Variants in TMTC2 observed in about 807,000 individuals in gnomAD.
TMTC2 encodes the protein protein O-mannosyl-transferase TMTC2.
Under a neutral mutation model 82.4 loss-of-function variants are expected in TMTC2, and 43 were observed. That is an observed-to-expected ratio of 0.52 (90% CI 0.41 to 0.67). The LOEUF (loss-of-function observed/expected upper bound fraction) is 0.67, where lower values mean the gene tolerates loss of function less well. Ranked by LOEUF, TMTC2 falls within the 30% of genes least tolerant of loss-of-function variation. The pLI is 0.00. For missense variants in TMTC2, 919 were observed against 1,012.4 expected, an observed-to-expected ratio of 0.91 and a Z score of 1.25; for synonymous variants, 408 against 381.9, an observed-to-expected ratio of 1.07 and a Z score of -0.80.
chr12:82,690,471 C>T, intron 1 of TMTC2: 1 of 884,064 alleles, frequency 1.1e-6, no homozygotes, highest in Non-Finnish European at 1.4e-6. Context: ...TGATCGTTTA[C>T]TTTATAAACT....
At chr12:82,882,519 C>T (rs1319453231) in intron 2 of TMTC2, among the ~76,000 whole-genome samples, 1 of 151,730 alleles carries the variant, frequency 6.6e-6, no homozygotes, top group Non-Finnish European at 1.5e-5. Context: ...TGTTTTCTTT[C>T]ATGTGGGGGT....
chr12:82,751,679 C>T (rs1297994688), intron 1 of TMTC2, among the ~76,000 whole-genome samples: 1 of 151,890 alleles, frequency 6.6e-6, no homozygotes, highest in Non-Finnish European at 1.5e-5. Context: ...GGTAATGTTG[C>T]TGGTTCATGG....
intron 3 of TMTC2, among the ~76,000 whole-genome samples, chr12:82,928,155 G>GT (rs144630871): frequency 4.7e-4 from 70 of 148,924 alleles, no homozygotes; most frequent in Non-Finnish European, 6.6e-4. Context: ...TTTGCTATTA[G>GT]TTTTTTTTTT....
intron 8 of TMTC2, among the ~76,000 whole-genome samples, chr12:83,013,142 C>A (rs779348950): frequency 2.0e-5 from 3 of 151,982 alleles, no homozygotes; most frequent in Non-Finnish European, 4.4e-5. Context: ...CTAATTATTA[C>A]AAATATTAAA....
chr12:82,941,012 G>A (rs991099472), intron 4 of TMTC2, among the ~76,000 whole-genome samples: 5 of 151,826 alleles, frequency 3.3e-5, no homozygotes, highest in Non-Finnish European at 4.4e-5. Flanking sequence ...ACCATATAAA[G>A]GAACAAGGTA....
rs1358095247 is a variant in TMTC2 at position 83,028,474 on chromosome 12, T to TA, written c.2071-2323dup. ...ACTTACTCTGGTGTCGTAGATTTGTTACAGTTGATGAGTCTATAGTTTATA... is the reference window on the plus strand; with the variant it reads ...ACTTACTCTGGTGTCGTAGATTTGTTAACAGTTGATGAGTCTATAGTTTATA... On this transcript the variant is annotated intron_variant, in intron 8 of 11. Coordinates refer to ENST00000321196, the MANE Select transcript of TMTC2 (RefSeq NM_152588.3). Among the ~76,000 whole-genome samples, 3 of 152,286 alleles carry TA rather than the reference T, an allele frequency of 2.0e-5. No homozygotes were observed. In the East Asian group the frequency reaches 5.8e-4, roughly 29 times the overall value.
At chr12:83,068,830 A>G (rs1287980218) in intron 11 of TMTC2, among the ~76,000 whole-genome samples, 3 of 152,120 alleles carry the variant, frequency 2.0e-5, no homozygotes, top group South Asian at 2.1e-4. Flanking sequence ...ACACTGCACC[A>G]TATTTGTAGT....
chr12:82,708,487 T>C (rs1480704001), intron 1 of TMTC2, among the ~76,000 whole-genome samples: 3 of 152,212 alleles, frequency 2.0e-5, no homozygotes, highest in Non-Finnish European at 4.4e-5. Flanking sequence ...AGTGACTAGA[T>C]GGCATGGACC....
At chr12:83,106,769 T>C (rs1884417168) in intron 11 of TMTC2, among the ~76,000 whole-genome samples, 2 of 152,218 alleles carry the variant, frequency 1.3e-5, no homozygotes, top group Non-Finnish European at 2.9e-5. Flanking sequence ...AAAATATCTG[T>C]AATACTCTCT....
chr12:83,120,370 T>C (rs1884909696), intron 11 of TMTC2, among the ~76,000 whole-genome samples: 1 of 152,202 alleles, frequency 6.6e-6, no homozygotes, highest in South Asian at 2.1e-4. Context: ...CTCTCAGCAT[T>C]TGTTTGTCTG....
intron 11 of TMTC2, among the ~76,000 whole-genome samples, chr12:83,112,557 A>T (rs1363717760): frequency 1.3e-5 from 2 of 152,202 alleles, no homozygotes; most frequent in African/African-American, 4.8e-5. Flanking sequence ...TTTCATTATT[A>T]TATGCAATGG....
chr12:82,760,812 T>A, intron 1 of TMTC2: 1 of 400,036 alleles, frequency 2.5e-6, no homozygotes, highest in South Asian at 1.7e-5. Flanking sequence ...GATCTAGGTT[T>A]CATACTTGTT....
intron 11 of TMTC2, among the ~76,000 whole-genome samples, chr12:83,071,792 C>G (rs982355851): frequency 3.9e-5 from 6 of 151,906 alleles, no homozygotes; most frequent in African/African-American, 1.2e-4. Context: ...TTATATGTGT[C>G]AAGGTGTTCA....
intron 4 of TMTC2, among the ~76,000 whole-genome samples, chr12:82,955,741 CTT>C (rs568648083): frequency 1.8e-4 from 27 of 152,182 alleles, no homozygotes; most frequent in African/African-American, 6.0e-4. Context: ...GATTATTTCT[CTT>C]TCCCCAATTA....
chr12:83,077,053 C>G (rs1337726264), intron 11 of TMTC2, among the ~76,000 whole-genome samples: 27 of 152,100 alleles, frequency 1.8e-4, no homozygotes, highest in Non-Finnish European at 1.5e-5. Flanking sequence ...TGAGAGGGGT[C>G]AAGACTATTG....
chr12:82,835,704 G>A (rs1469947571), intron 1 of TMTC2, among the ~76,000 whole-genome samples: 3 of 151,970 alleles, frequency 2.0e-5, no homozygotes, highest in Non-Finnish European at 2.9e-5. Flanking sequence ...GGAAATTATC[G>A]GTCACTTGTT....
At chr12:83,035,021 C>G (rs551065181) in intron 9 of TMTC2, among the ~76,000 whole-genome samples, 2 of 152,186 alleles carry the variant, frequency 1.3e-5, no homozygotes, top group African/African-American at 4.8e-5. Context: ...TGTTTTGAGT[C>G]TTTTTAAAAT....
At chr12:82,784,341 G>A (rs1037332697) in intron 1 of TMTC2, among the ~76,000 whole-genome samples, 2 of 152,088 alleles carry the variant, frequency 1.3e-5, no homozygotes, top group Admixed American at 1.3e-4. Context: ...TAGAGAAGGT[G>A]TGTTGGGAGA....
intron 4 of TMTC2, among the ~76,000 whole-genome samples, chr12:82,941,804 G>T (rs1046480967): frequency 2.0e-5 from 3 of 152,174 alleles, no homozygotes; most frequent in Non-Finnish European, 4.4e-5. Context: ...CTGTTGCCCA[G>T]GCTGGAGTGC....
Sources: gnomAD v4.1 joint callset for allele counts (sites outside exome capture counted in the v4.1 genomes callset) on GRCh38, gnomAD v4.1.1 for gene constraint, MANE v1.5 for transcripts, NCBI Gene and HGNC (gene_info 2026-07-23, HGNC 2026-07-21) for gene names.